Variants in BACH2 observed in about 807,000 individuals in gnomAD.
BACH2 encodes the protein transcription regulator protein BACH2.
A neutral mutation model predicts 61.8 loss-of-function variants in BACH2; 5 were observed. That is an observed-to-expected ratio of 0.08 (90% CI 0.04 to 0.17). BACH2 has a LOEUF of 0.17. Among genes scored for constraint, BACH2 ranks in the 10% least tolerant of loss-of-function variants. The pLI, the probability that BACH2 is intolerant of heterozygous loss-of-function variation, is 1.00. For synonymous variants in BACH2, 446 were observed against 440.1 expected, an observed-to-expected ratio of 1.01 and a Z score of -0.17; for missense variants, 824 against 1,091.1, an observed-to-expected ratio of 0.76 and a Z score of 3.45.
intron 6 of BACH2, among the ~76,000 whole-genome samples, chr6:89,955,573 C>A (rs1441875980): frequency 6.6e-6 from 1 of 152,180 alleles, no homozygotes; most frequent in African/African-American, 2.4e-5. Flanking sequence ...GAACCCATCT[C>A]TGGTCTACTT....
intron 3 of BACH2, among the ~76,000 whole-genome samples, chr6:90,213,568 C>T (rs1215555517): frequency 1.3e-5 from 2 of 152,154 alleles, no homozygotes; most frequent in East Asian, 3.9e-4. Context: ...TGAATATCAA[C>T]TCCACCTCTC....
chr6:90,161,403 C>T (rs1785187973), intron 4 of BACH2, among the ~76,000 whole-genome samples: 1 of 152,040 alleles, frequency 6.6e-6, no homozygotes, highest in Non-Finnish European at 1.5e-5. Flanking sequence ...AGTATTTAAT[C>T]CCTGTTAGGT....
At chr6:90,252,983 G>A (rs547388087) in intron 2 of BACH2, among the ~76,000 whole-genome samples, 1 of 152,184 alleles carries the variant, frequency 6.6e-6, no homozygotes, top group Non-Finnish European at 1.5e-5. Context: ...AGTGGCTCAC[G>A]CCTATAATCC....
At chr6:90,193,206 ATGG>A (rs1417974132) in intron 4 of BACH2, among the ~76,000 whole-genome samples, 1 of 152,230 alleles carries the variant, frequency 6.6e-6, no homozygotes, top group African/African-American at 2.4e-5. Flanking sequence ...CAAAATTCAC[ATGG>A]TGAAGTCCTA....
chr6:90,067,651 G>A lies in BACH2; in HGVS notation c.-13+21310C>T, dbSNP rs117023048. Among the ~76,000 whole-genome samples, 899 of 152,292 alleles carry A rather than the reference G, an allele frequency of 5.9e-3. 52 individuals carry two copies. In the East Asian group the frequency reaches 0.14, roughly 23 times the overall value. Reference sequence around the variant, plus strand: ...GTGGAGGTGAAGTTCACTATGAAATGAGAACATAGACTGACTGGTTGACTC... The same window carrying A: ...GTGGAGGTGAAGTTCACTATGAAATAAGAACATAGACTGACTGGTTGACTC... On this transcript the variant is annotated intron_variant, in intron 5 of 8. Coordinates refer to ENST00000257749, the MANE Select transcript of BACH2 (RefSeq NM_021813.4).
chr6:89,961,793 G>T (rs773700194), intron 6 of BACH2, among the ~76,000 whole-genome samples: 1 of 152,150 alleles, frequency 6.6e-6, no homozygotes, highest in African/African-American at 2.4e-5. Flanking sequence ...TATCTGGATT[G>T]AATAAATGCT....
intron 3 of BACH2, among the ~76,000 whole-genome samples, chr6:90,211,050 G>A (rs1407649419): frequency 6.7e-6 from 1 of 149,432 alleles, no homozygotes; most frequent in African/African-American, 2.5e-5. Context: ...AGCTACTCAG[G>A]AGGCTGAGGC....
At chr6:90,275,623 G>GT (rs926394503) in intron 1 of BACH2, among the ~76,000 whole-genome samples, 79 of 147,848 alleles carry the variant, frequency 5.3e-4, no homozygotes, top group East Asian at 7.8e-4. Flanking sequence ...TACCTGATAG[G>GT]TTTTTTTTTT....
At chr6:90,117,960 T>G (rs1783470828) in intron 4 of BACH2, among the ~76,000 whole-genome samples, 1 of 152,222 alleles carries the variant, frequency 6.6e-6, no homozygotes, top group Non-Finnish European at 1.5e-5. Context: ...ATTTTCTACT[T>G]CATCCCATAT....
chr6:90,032,032 A>G (rs1274868485), intron 5 of BACH2, among the ~76,000 whole-genome samples: 1 of 152,176 alleles, frequency 6.6e-6, no homozygotes, highest in Non-Finnish European at 1.5e-5. Flanking sequence ...AACAGAACAG[A>G]GTCCTCAGAA....
rs768610688 is a variant in BACH2, at chr6:89,932,602, C to T, written c.2332G>A (p.Gly778Arg). 174 of 1,613,754 alleles carry T rather than the reference C, an allele frequency of 1.1e-4. 2 individuals are homozygous for T. The East Asian group carries it at 2.9e-3, about 27-fold the overall frequency. Residue 778 changes from glycine to arginine, a missense_variant, in exon 9 of 9, where the codon GGA becomes AGA. Physicochemically the swap from Gly to Arg is moderately radical, Grantham distance 125. Transcript: ENST00000257749. Reference sequence around the variant, plus strand: ...GTGTTGCTGGGTGCCCAGGGGGGTCCGGGGGGAGCCGCGCCTGGCTCCAAG... The same window carrying T: ...GTGTTGCTGGGTGCCCAGGGGGGTCTGGGGGGAGCCGCGCCTGGCTCCAAG... ...CCLEPGAAPP[G>R]PPWAPSNTSE...
At chr6:90,128,983 G>A (rs1216913371) in intron 4 of BACH2, among the ~76,000 whole-genome samples, 1 of 152,010 alleles carries the variant, frequency 6.6e-6, no homozygotes, top group African/African-American at 2.4e-5. Context: ...AACACCGCAT[G>A]TTCTCACTCA....
At chr6:90,275,570 G>T (rs929912480) in intron 1 of BACH2, among the ~76,000 whole-genome samples, 1 of 151,650 alleles carries the variant, frequency 6.6e-6, no homozygotes, top group Non-Finnish European at 1.5e-5. Flanking sequence ...CGTCATGGGG[G>T]TTTGTCGTAC....
At chr6:90,092,124 C>T (rs1001871346) in intron 4 of BACH2, among the ~76,000 whole-genome samples, 4 of 151,582 alleles carry the variant, frequency 2.6e-5, no homozygotes, top group Non-Finnish European at 4.4e-5. Context: ...ATAACGCAAA[C>T]GATTACCAGA....
intron 7 of BACH2, 30 bp from the exon 8 acceptor site, chr6:89,938,380 T>C (rs1222807927): frequency 2.5e-6 from 4 of 1,575,814 alleles, no homozygotes; most frequent in South Asian, 1.1e-5. Context: ...AAAATGATTA[T>C]GGCAGCTGGA....
chr6:90,107,304 G>T (rs146071391), intron 4 of BACH2, among the ~76,000 whole-genome samples: 1 of 151,944 alleles, frequency 6.6e-6, no homozygotes, highest in Non-Finnish European at 1.5e-5. Context: ...TCCAGGAAGC[G>T]GAGGTTGCAG....
At position 90,208,606 on chromosome 6, in the gene BACH2, G is replaced by C. The variant is rs1309361549; in HGVS notation, c.-274-1925C>G. Reference sequence around the variant, plus strand: ...AGGAACACTTCTACACTGTTGGTGGGAGTGTAAATTAGTTCAACCATTGTG... The same window carrying C: ...AGGAACACTTCTACACTGTTGGTGGCAGTGTAAATTAGTTCAACCATTGTG... On this transcript the variant is annotated intron_variant, in intron 3 of 8. Transcript: ENST00000257749. Among the ~76,000 whole-genome samples, 5 of 152,206 alleles carry C rather than the reference G, an allele frequency of 3.3e-5. No homozygotes were observed. The South Asian group carries it at 1.0e-3, about 31-fold the overall frequency.
intron 2 of BACH2, among the ~76,000 whole-genome samples, chr6:90,262,732 T>G (rs750854497): frequency 6.6e-6 from 1 of 152,182 alleles, no homozygotes; most frequent in Admixed American, 6.5e-5. Flanking sequence ...AAGTGGATAC[T>G]TGGCATTAAA....
chr6:90,110,133 T>C (rs1783105261), intron 4 of BACH2, among the ~76,000 whole-genome samples: 1 of 152,236 alleles, frequency 6.6e-6, no homozygotes, highest in Non-Finnish European at 1.5e-5. Context: ...TATGTTGCTC[T>C]ATGGTGTTTT....
Sources: gnomAD v4.1 joint callset for allele counts (sites outside exome capture counted in the v4.1 genomes callset) on GRCh38, gnomAD v4.1.1 for gene constraint, MANE v1.5 for transcripts, NCBI Gene and HGNC (gene_info 2026-07-23, HGNC 2026-07-21) for gene names.